The following WDFY2 variants were observed in gnomAD, a reference collection of about 807,000 sequenced individuals.
WDFY2 encodes the protein WD repeat and FYVE domain containing 2, also known as WD repeat and FYVE domain-containing protein 2.
WDFY2 carries 36 observed loss-of-function variants against 56.4 expected under a neutral mutation model. That is an observed-to-expected ratio of 0.64 (90% CI 0.49 to 0.84). The LOEUF (loss-of-function observed/expected upper bound fraction) is 0.84, where lower values mean the gene tolerates loss of function less well. Among genes scored for constraint, WDFY2 ranks in the 40% least tolerant of loss-of-function variants. The probability of loss-of-function intolerance (pLI) is 0.00; values close to 1 mark genes in which losing one functional copy is unlikely to be tolerated. For synonymous variants in WDFY2, 176 were observed against 183.7 expected (o/e 0.96, Z 0.34); for missense variants, 444 against 512.2 (o/e 0.87, Z 1.29).
intron 2 of WDFY2, among the ~76,000 whole-genome samples, chr13:51,662,588 C>T (rs887234141): frequency 2.0e-5 from 3 of 152,298 alleles, no homozygotes; most frequent in African/African-American, 4.8e-5. Flanking sequence ...TGGTGTCATC[C>T]TGTAATGCTG....
At chr13:51,746,276 A>C (rs181681629) in intron 7 of WDFY2, among the ~76,000 whole-genome samples, 11 of 152,292 alleles carry the variant, frequency 7.2e-5, no homozygotes, top group Non-Finnish European at 1.6e-4. Context: ...AAAATTTGCC[A>C]TACCAAGGCT....
chr13:51,718,135 A>G (rs1173702342), intron 4 of WDFY2, among the ~76,000 whole-genome samples: 1 of 152,176 alleles, frequency 6.6e-6, no homozygotes, highest in Non-Finnish European at 1.5e-5. Flanking sequence ...TTCATGATCA[A>G]AATGTGAAAC....
At chr13:51,598,952 A>G (rs1406332862) in intron 1 of WDFY2, among the ~76,000 whole-genome samples, 2 of 135,182 alleles carry the variant, frequency 1.5e-5, no homozygotes, top group Non-Finnish European at 3.1e-5. Flanking sequence ...CTCTGTCACC[A>G]GGCTAGAGTA....
chr13:51,611,891 A>G (rs549375481), intron 1 of WDFY2, among the ~76,000 whole-genome samples: 2 of 152,308 alleles, frequency 1.3e-5, no homozygotes, highest in African/African-American at 2.4e-5. Flanking sequence ...TCATGACTGA[A>G]TGTGACTACT....
intron 4 of WDFY2, among the ~76,000 whole-genome samples, chr13:51,713,866 AGG>A (rs1294249778): frequency 3.4e-5 from 5 of 149,008 alleles, no homozygotes; most frequent in Admixed American, 6.6e-5. Flanking sequence ...AAAAAAAAAA[AGG>A]AGAAATACTG....
chr13:51,726,275 G>A (rs1952603301), intron 5 of WDFY2, among the ~76,000 whole-genome samples: 1 of 152,172 alleles, frequency 6.6e-6, no homozygotes, highest in South Asian at 2.1e-4. Context: ...TGTGTATAAA[G>A]ATCTCCATTT....
At chr13:51,748,992 C>T (rs1953166154) in intron 7 of WDFY2, among the ~76,000 whole-genome samples, 1 of 152,066 alleles carries the variant, frequency 6.6e-6, no homozygotes, top group African/African-American at 2.4e-5. Context: ...CCAGAAGCTA[C>T]ATGATAAGTG....
rs1463417945 is a variant in WDFY2 at position 51,763,824 on chromosome 13, G to T, written c.*4055G>T. 1 of 152,136 alleles carries T rather than the reference G, an allele frequency of 6.6e-6. No homozygotes were observed. Among genetic ancestry groups the T allele is most frequent in the African/African-American group, 2.4e-5 (1 of 41,434 alleles). 9.4% of individuals were successfully genotyped at this position (152,136 alleles called of 1,614,324 possible). On this transcript the variant is annotated 3_prime_UTR_variant, in exon 12 of 12. Coordinates refer to ENST00000298125, the MANE Select transcript of WDFY2 (RefSeq NM_052950.4). The stretch of plus-strand genomic sequence containing the variant: ...ATAAACAAAAGTATAATTTATTTTT[G>T]CCTGATATTAATCACTTCTTAAGGC...
intron 1 of WDFY2, among the ~76,000 whole-genome samples, chr13:51,631,157 C>T (rs909095596): frequency 4.6e-5 from 7 of 150,546 alleles, no homozygotes; most frequent in East Asian, 2.0e-4. Flanking sequence ...TTTGGGAGGC[C>T]GAGGCGGGAG....
intron 5 of WDFY2, among the ~76,000 whole-genome samples, chr13:51,721,695 G>C (rs1455442186): frequency 6.6e-6 from 1 of 152,058 alleles, no homozygotes; most frequent in African/African-American, 2.4e-5. Context: ...CTACAGACAG[G>C]CCCTCCCAGA....
At chr13:51,746,300 C>G (rs569115035) in intron 7 of WDFY2, among the ~76,000 whole-genome samples, 2 of 152,298 alleles carry the variant, frequency 1.3e-5, no homozygotes, top group South Asian at 2.1e-4. Flanking sequence ...AAACCAAGCC[C>G]AAGAAACTCT....
chr13:51,688,527 C>T (rs1320717368), intron 3 of WDFY2, among the ~76,000 whole-genome samples: 1 of 152,054 alleles, frequency 6.6e-6, no homozygotes, highest in Non-Finnish European at 1.5e-5. Context: ...AGCCTCTGAC[C>T]CTGAGACTTT....
intron 1 of WDFY2, among the ~76,000 whole-genome samples, chr13:51,643,035 GGAGA>G (rs1012292376): frequency 3.9e-5 from 6 of 152,144 alleles, no homozygotes; most frequent in Non-Finnish European, 7.4e-5. Context: ...CTACAGTTGT[GGAGA>G]GAGAGAATCA....
intron 6 of WDFY2, among the ~76,000 whole-genome samples, chr13:51,730,137 C>T (rs1447068083): frequency 1.3e-5 from 2 of 152,204 alleles, no homozygotes; most frequent in Non-Finnish European, 2.9e-5. Context: ...CAAGGTTCAT[C>T]CAAGTTGTAG....
chr13:51,619,021 C>A (rs1954676124), intron 1 of WDFY2, among the ~76,000 whole-genome samples: 1 of 152,230 alleles, frequency 6.6e-6, no homozygotes, highest in South Asian at 2.1e-4. Flanking sequence ...TGCTATTACT[C>A]TAATGGTGAG....
Position 51,630,767 on chromosome 13 carries a change from C to CT in WDFY2, c.138-29817dup, listed in dbSNP as rs892945137. Among the ~76,000 whole-genome samples the CT allele has an allele frequency of 9.6e-3, 1,312 of 135,968 alleles. 16 individuals are homozygous for CT. Among genetic ancestry groups the CT allele is most frequent in the African/African-American group, 0.032 (1,201 of 37,212 alleles). 89.2% of individuals were successfully genotyped at this position (135,968 alleles called of 152,430 possible). On this transcript the variant is annotated intron_variant, in intron 1 of 11. Coordinates refer to ENST00000298125, the MANE Select transcript of WDFY2 (RefSeq NM_052950.4). ...CTGAAATTTTTTTTTTCAAGTTTTT[C>CT]TTTTTTTTTTTTAGTTTCTCTTTTT... is the stretch of plus-strand genomic sequence containing the variant.
intron 7 of WDFY2, 111 bp from the exon 8 acceptor site, chr13:51,751,199 C>A: frequency 1.1e-6 from 1 of 913,240 alleles, no homozygotes; most frequent in Non-Finnish European, 1.6e-6. Flanking sequence ...CTAAGATCTA[C>A]ACTGGGGGCT....
intron 3 of WDFY2, among the ~76,000 whole-genome samples, chr13:51,683,099 T>C (rs1956004852): frequency 6.6e-6 from 1 of 152,148 alleles, no homozygotes; most frequent in Admixed American, 6.5e-5. Flanking sequence ...GTGTACAGAG[T>C]ACTGAAGATG....
intron 3 of WDFY2, among the ~76,000 whole-genome samples, chr13:51,691,246 G>C (rs1450262076): frequency 6.6e-6 from 1 of 151,990 alleles, no homozygotes; most frequent in African/African-American, 2.4e-5. Context: ...ATTGCTTTTG[G>C]TGTTTTAGAC....
Sources: gnomAD v4.1 joint callset for allele counts (sites outside exome capture counted in the v4.1 genomes callset) on GRCh38, gnomAD v4.1.1 for gene constraint, MANE v1.5 for transcripts, NCBI Gene and HGNC (gene_info 2026-07-23, HGNC 2026-07-21) for gene names.